The following RETREG1 variants were observed in gnomAD, a reference collection of about 807,000 sequenced individuals.
The protein encoded by RETREG1 is reticulophagy regulator 1, also known as family with sequence similarity 134 member B.
A neutral mutation model predicts 54.8 loss-of-function variants in RETREG1; 44 were observed. That is an observed-to-expected ratio of 0.80 (90% CI 0.63 to 1.03). The LOEUF is 1.03. Ranked by LOEUF, RETREG1 falls within the 50% of genes least tolerant of loss-of-function variation. The pLI is 0.00. For missense variants in RETREG1, 554 were observed against 605.1 expected (o/e 0.92, Z 0.89); for synonymous variants, 217 against 238.5 (o/e 0.91, Z 0.83).
In RETREG1 at chr5:16,597,832, G is replaced by A. The variant is rs1469560205; in HGVS notation, c.320+18820C>T. 6.6e-6 allele frequency among the ~76,000 whole-genome samples: 1 copy of A among 152,092 alleles called. No individual in the cohort carries two copies. Among genetic ancestry groups the A allele is most frequent in the Admixed American group, 6.6e-5 (1 of 15,264 alleles). On this transcript the variant is annotated intron_variant, in intron 1 of 8. Transcript: ENST00000306320. The surrounding 1 kb of genome is among the most constrained non-coding windows in gnomAD (Gnocchi z 4.3). ...TTCTCCAGGCCTGAAAGAGGTCCCA[G>A]TCCTGGAACTAGTACCTAAGCCCCT...
At chr5:16,494,989 G>T (rs1054718505) in intron 3 of RETREG1, among the ~76,000 whole-genome samples, 2 of 152,170 alleles carry the variant, frequency 1.3e-5, no homozygotes, top group African/African-American at 4.8e-5. Context: ...AGAAGGAAAT[G>T]AGTATCTTAT....
chr5:16,501,964 T>G (rs1739735033), intron 3 of RETREG1, among the ~76,000 whole-genome samples: 1 of 151,132 alleles, frequency 6.6e-6, no homozygotes, highest in Admixed American at 6.6e-5. Flanking sequence ...GTAAGCTTTT[T>G]TTTTTTTTTT....
In RETREG1 at chr5:16,544,730, T is replaced by C. The variant is rs796555486; in HGVS notation, c.458+21033A>G. On this transcript the variant is annotated intron_variant, in intron 3 of 8. Coordinates refer to ENST00000306320, the MANE Select transcript of RETREG1 (RefSeq NM_001034850.3). ...AACCTTCGTTGGAAATTAGTTGTCA[T>C]GCATGCGTGTGTCTATTTCTGGACT... Among the ~76,000 whole-genome samples, 59 of 152,362 alleles carry C rather than the reference T, an allele frequency of 3.9e-4. 2 individuals carry two copies. The highest frequency in any genetic ancestry group is 1.2e-3 in the African/African-American group (50 of 41,594).
chr5:16,548,619 T>C lies in RETREG1; in HGVS notation c.458+17144A>G, dbSNP rs373910578. ...AAAAGTACAACAAATGAGGGAGTCA[T>C]AATGTATTCATTATTAATGTGGTTT... is the stretch of plus-strand genomic sequence containing the variant. On this transcript the variant is annotated intron_variant, in intron 3 of 8. Coordinates refer to ENST00000306320, the MANE Select transcript of RETREG1 (RefSeq NM_001034850.3). Among the ~76,000 whole-genome samples the C allele has an allele frequency of 2.2e-4, 34 of 152,362 alleles. No homozygotes were observed. The South Asian group carries it at 6.6e-3, about 30-fold the overall frequency.
chr5:16,529,382 C>T (rs1329085736), intron 3 of RETREG1, among the ~76,000 whole-genome samples: 1 of 151,952 alleles, frequency 6.6e-6, no homozygotes, highest in Non-Finnish European at 1.5e-5. Flanking sequence ...TGTTTTTTAC[C>T]GCATTGGCTA....
chr5:16,510,431 T>C (rs970312587), intron 3 of RETREG1, among the ~76,000 whole-genome samples: 1 of 151,960 alleles, frequency 6.6e-6, no homozygotes, highest in African/African-American at 2.4e-5. Flanking sequence ...AAATTCCAGG[T>C]TTTTAAATAA....
chr5:16,576,692 G>A (rs1292359521), intron 1 of RETREG1, among the ~76,000 whole-genome samples: 1 of 152,070 alleles, frequency 6.6e-6, no homozygotes, highest in Admixed American at 6.5e-5. Context: ...TCCATGTTGA[G>A]GCTGGTCTCG....
intron 3 of RETREG1, among the ~76,000 whole-genome samples, chr5:16,564,279 G>A (rs1741949023): frequency 6.6e-6 from 1 of 152,106 alleles, no homozygotes; most frequent in African/African-American, 2.4e-5. Context: ...GAAATTCCTT[G>A]TCTTCATAGA....
intron 1 of RETREG1, among the ~76,000 whole-genome samples, chr5:16,588,795 G>A (rs890908763): frequency 6.6e-6 from 1 of 152,210 alleles, no homozygotes; most frequent in African/African-American, 2.4e-5. Context: ...CTTAGGTTAG[G>A]ACAATAAATT....
At chr5:16,616,527 G>C (rs1347836632) in intron 1 of RETREG1, 125 bp downstream of exon 1, 1 of 1,459,520 alleles carries the variant, frequency 6.9e-7, no homozygotes, top group Non-Finnish European at 9.1e-7. Context: ...CGAGAAAGTG[G>C]GGCAGGGCTG....
intron 3 of RETREG1, among the ~76,000 whole-genome samples, chr5:16,559,647 G>A (rs994099): frequency 0.83 from 126,224 of 152,218 alleles, 52,341 homozygotes; most frequent in Middle Eastern, 0.87. Context: ...ACCAACTATT[G>A]AAGAAATTTT....
At chr5:16,505,409 T>G (rs1579621398) in intron 3 of RETREG1, among the ~76,000 whole-genome samples, 2 of 152,300 alleles carry the variant, frequency 1.3e-5, no homozygotes, top group African/African-American at 4.8e-5. Context: ...CTTACTTTTT[T>G]TTCACCTTGG....
At chr5:16,481,501 A>T (rs574490037) in intron 4 of RETREG1, among the ~76,000 whole-genome samples, 1 of 152,200 alleles carries the variant, frequency 6.6e-6, no homozygotes, top group South Asian at 2.1e-4. Context: ...CTACCACTAT[A>T]AGCCCACTGA....
chr5:16,540,820 A>AGT (rs1741217527), intron 3 of RETREG1, among the ~76,000 whole-genome samples: 2 of 152,204 alleles, frequency 1.3e-5, no homozygotes, highest in Admixed American at 1.3e-4. Flanking sequence ...AGACATGTTC[A>AGT]GTGGCTGGCT....
intron 3 of RETREG1, among the ~76,000 whole-genome samples, chr5:16,540,746 A>G (rs575116439): frequency 1.8e-4 from 28 of 152,210 alleles, no homozygotes; most frequent in Non-Finnish European, 3.7e-4. Context: ...CACACCAGCC[A>G]CAGGCCTCCC....
chr5:16,480,369 T>G (rs1271764218), intron 5 of RETREG1, among the ~76,000 whole-genome samples: 1 of 152,132 alleles, frequency 6.6e-6, no homozygotes, highest in East Asian at 1.9e-4. Flanking sequence ...GCTTACCCAT[T>G]CCTCCAATTG....
intron 1 of RETREG1, among the ~76,000 whole-genome samples, chr5:16,603,375 A>G (rs965713052): frequency 2.6e-4 from 40 of 152,360 alleles, no homozygotes; most frequent in Admixed American, 1.2e-3. Context: ...AATACCTTCA[A>G]GTTGCACCAA....
At chr5:16,558,340 ACCATGGGATGACATATCAAGAAGG>A in intron 3 of RETREG1, among the ~76,000 whole-genome samples, 1 of 152,254 alleles carries the variant, frequency 6.6e-6, no homozygotes, top group East Asian at 1.9e-4. Flanking sequence ...TTCCATCTTC[ACCATGGGATGACATATCAAGAAGG>A]CCCTCAAAGA....
chr5:16,528,023 A>G (rs1430508393), intron 3 of RETREG1, among the ~76,000 whole-genome samples: 1 of 151,816 alleles, frequency 6.6e-6, no homozygotes, highest in Non-Finnish European at 1.5e-5. Context: ...CTTAGCCAGG[A>G]TGGCCTCAAT....
Sources: allele counts gnomAD v4.1 joint callset (sites outside exome capture counted in the v4.1 genomes callset), GRCh38; gene constraint gnomAD v4.1.1; non-coding constraint Gnocchi (gnomAD v3.1); transcripts MANE v1.5; gene names NCBI Gene and HGNC (gene_info 2026-07-23, HGNC 2026-07-21).